The following MORC1 variants were observed in gnomAD, a reference collection of about 807,000 sequenced individuals.
MORC1 encodes MORC family CW-type zinc finger protein 1.
MORC1 carries 59 observed loss-of-function variants against 134.9 expected under a neutral mutation model. That is an observed-to-expected ratio of 0.44 (90% confidence interval 0.35 to 0.54). The LOEUF (loss-of-function observed/expected upper bound fraction) is 0.54, where lower values mean the gene tolerates loss of function less well. MORC1 is among the 20% of genes least tolerant of loss of function. The pLI, the probability that MORC1 is intolerant of heterozygous loss-of-function variation, is 0.00. For synonymous variants in MORC1, 395 were observed against 391.7 expected (o/e 1.01, Z -0.10); for missense variants, 947 against 1,134.5 (o/e 0.83, Z 2.37).
At chr3:109,075,015 C>A (rs983283162) in intron 8 of MORC1, among the ~76,000 whole-genome samples, 1 of 152,158 alleles carries the variant, frequency 6.6e-6, no homozygotes, top group Non-Finnish European at 1.5e-5. Context: ...GCATATCAAC[C>A]TAGAGTTCTG....
chr3:109,116,716 G>A (rs958190761), intron 1 of MORC1, among the ~76,000 whole-genome samples: 1 of 152,164 alleles, frequency 6.6e-6, no homozygotes, highest in Non-Finnish European at 1.5e-5. Flanking sequence ...GGAGTTCAAG[G>A]CTACAGAGAA....
rs533814618 is a variant in MORC1, at chr3:109,040,494, A to G, written c.1331-5026T>C. 2.5e-4 allele frequency among the ~76,000 whole-genome samples: 30 copies of G among 118,600 alleles called. 1 individual carries two copies. In the East Asian group the frequency reaches 9.3e-3, roughly 37 times the overall value. The allele number at this position is 118,600 out of a possible 152,430, so 77.8% of individuals were successfully genotyped here. On this transcript the variant is annotated intron_variant, in intron 14 of 27. Coordinates refer to ENST00000232603, the MANE Select transcript of MORC1 (RefSeq NM_014429.4). ...AAAGAAAGAAAGAAAGAAAGGAAAG[A>G]AAAGAAAGGAAGGAAGGAAGAAAGA...
chr3:109,004,356 T>C (rs1387015474), intron 20 of MORC1, among the ~76,000 whole-genome samples: 2 of 152,228 alleles, frequency 1.3e-5, no homozygotes, highest in Non-Finnish European at 2.9e-5. Flanking sequence ...ACAAGGTAGA[T>C]AAACTAGGCA....
chr3:109,037,815 G>A (rs13096807), intron 14 of MORC1, among the ~76,000 whole-genome samples: 8,115 of 152,136 alleles, frequency 0.053, 495 homozygotes, highest in African/African-American at 0.15. Flanking sequence ...GTGTATATGC[G>A]CCACATTTTC....
chr3:108,991,647 CAA>C (rs1315058575), intron 21 of MORC1, among the ~76,000 whole-genome samples: 4 of 152,176 alleles, frequency 2.6e-5, no homozygotes, highest in Admixed American at 6.5e-5. Flanking sequence ...TTTAGGCAAA[CAA>C]TGGCTTCATC....
intron 6 of MORC1, among the ~76,000 whole-genome samples, chr3:109,097,545 G>C (rs925315255): frequency 1.3e-5 from 2 of 152,066 alleles, no homozygotes; most frequent in African/African-American, 2.4e-5. Context: ...CCAAGACGAG[G>C]GCAAGGGCAG....
chr3:108,961,946 T>G (rs533639471), intron 27 of MORC1, among the ~76,000 whole-genome samples: 4 of 152,350 alleles, frequency 2.6e-5, no homozygotes, highest in Non-Finnish European at 5.9e-5. Flanking sequence ...TTGGTCTTTC[T>G]AGTTTACTTG....
At chr3:109,079,929 T>C (rs1407233208) in intron 8 of MORC1, among the ~76,000 whole-genome samples, 1 of 152,166 alleles carries the variant, frequency 6.6e-6, no homozygotes, top group African/African-American at 2.4e-5. Context: ...TAGAACTATA[T>C]GAAGAAGTAA....
intron 14 of MORC1, among the ~76,000 whole-genome samples, chr3:109,049,920 T>C (rs1034385611): frequency 2.0e-5 from 3 of 152,228 alleles, no homozygotes; most frequent in Non-Finnish European, 4.4e-5. Context: ...TAATACCATG[T>C]CAAATGAAGA....
chr3:109,002,354 G>A (rs978025940), intron 20 of MORC1, among the ~76,000 whole-genome samples: 2 of 152,090 alleles, frequency 1.3e-5, no homozygotes, highest in Non-Finnish European at 2.9e-5. Context: ...AGTCCCCCAT[G>A]GCCCAGCAGC....
chr3:109,023,105 C>A (rs1161136052), intron 17 of MORC1, among the ~76,000 whole-genome samples: 2 of 152,146 alleles, frequency 1.3e-5, no homozygotes, highest in East Asian at 3.9e-4. Flanking sequence ...GAAGGAGATA[C>A]TTTTCTAAGT....
chr3:109,093,622 G>C, intron 7 of MORC1, 81 bp from the exon 8 acceptor site: 1 of 1,006,206 alleles, frequency 9.9e-7, no homozygotes, highest in Non-Finnish European at 1.5e-6. Context: ...TTCATCTATG[G>C]AACTGAGTCT....
At chr3:109,062,866 A>G (rs1950114955) in intron 10 of MORC1, among the ~76,000 whole-genome samples, 1 of 152,182 alleles carries the variant, frequency 6.6e-6, no homozygotes, top group Non-Finnish European at 1.5e-5. Flanking sequence ...CTTGAATTAT[A>G]GGTGTGAGCC....
chr3:109,098,186 C>T (rs1465091137), intron 6 of MORC1, among the ~76,000 whole-genome samples: 3 of 152,088 alleles, frequency 2.0e-5, no homozygotes, highest in African/African-American at 7.2e-5. Flanking sequence ...GCTGGGACTA[C>T]AGATGCACTC....
chr3:109,079,592 A>C (rs1385618263), intron 8 of MORC1, among the ~76,000 whole-genome samples: 1 of 152,142 alleles, frequency 6.6e-6, no homozygotes, highest in East Asian at 1.9e-4. Flanking sequence ...AATGCCATTA[A>C]GACAAAAACA....
rs370883517 is a variant in MORC1, at chr3:109,088,109, A to C, written c.689+5327T>G. On this transcript the variant is annotated intron_variant, in intron 8 of 27. Coordinates refer to ENST00000232603, the MANE Select transcript of MORC1 (RefSeq NM_014429.4). Reference sequence around the variant, plus strand: ...ATTAAAGACTTAAATGTAAAACCCAAAACTATAAAAACCCTGGAAGACAAC... The same window carrying C: ...ATTAAAGACTTAAATGTAAAACCCACAACTATAAAAACCCTGGAAGACAAC... 6.6e-5 allele frequency among the ~76,000 whole-genome samples: 10 copies of C among 152,268 alleles called. No individual in the cohort carries two copies. In the East Asian group the frequency reaches 1.9e-3, roughly 29 times the overall value.
chr3:109,024,520 T>G (rs1406762657), intron 17 of MORC1, among the ~76,000 whole-genome samples: 1 of 152,222 alleles, frequency 6.6e-6, no homozygotes. Context: ...GATTTTTGAT[T>G]TACCTGGTCA....
At position 109,115,307 on chromosome 3, in the gene MORC1, T is replaced by C. The variant is rs72937322; in HGVS notation, c.66-870A>G. ...AACCTCAGGCCACAGGACAACACTTTAGTTTAAAATGTATTTTTAAAACAC... is the reference window on the plus strand; with the variant it reads ...AACCTCAGGCCACAGGACAACACTTCAGTTTAAAATGTATTTTTAAAACAC... On this transcript the variant is annotated intron_variant, in intron 1 of 27. Coordinates refer to ENST00000232603, the MANE Select transcript of MORC1 (RefSeq NM_014429.4). 8.4e-3 allele frequency among the ~76,000 whole-genome samples: 1,242 copies of C among 147,226 alleles called. 16 individuals carry two copies. Among genetic ancestry groups the C allele is most frequent in the African/African-American group, 0.029 (1,143 of 39,586 alleles).
At chr3:108,966,959 T>C (rs907835826) in intron 26 of MORC1, among the ~76,000 whole-genome samples, 2 of 152,196 alleles carry the variant, frequency 1.3e-5, no homozygotes, top group Admixed American at 6.5e-5. Flanking sequence ...ACTACAATAG[T>C]AGTTATGAAA....
Sources: allele counts gnomAD v4.1 joint callset (sites outside exome capture counted in the v4.1 genomes callset), GRCh38; gene constraint gnomAD v4.1.1; transcripts MANE v1.5; gene names NCBI Gene and HGNC (gene_info 2026-07-23, HGNC 2026-07-21).